GSG1L2: variants seen among roughly 807,000 people sequenced by gnomAD.
The protein encoded by GSG1L2 is GSG1 like 2.
Under a neutral mutation model 9.0 loss-of-function variants are expected in GSG1L2, and 15 were observed. The ratio of observed to expected loss-of-function variants is 1.67; its 90% CI spans 1.12 to 2.57. The LOEUF (loss-of-function observed/expected upper bound fraction) is 2.57, where lower values mean the gene tolerates loss of function less well. Among genes scored for constraint, GSG1L2 ranks in the 30% most tolerant of loss-of-function variants. The pLI is 0.00. For missense variants in GSG1L2, 286 were observed against 150.3 expected (o/e 1.90, Z -4.72); for synonymous variants, 127 against 57.9 (o/e 2.19, Z -5.41).
chr17:9,804,868 A>G (rs1210778053), intron 4 of GSG1L2: 1 of 152,240 alleles, frequency 6.6e-6, no homozygotes, highest in Non-Finnish European at 1.5e-5. Context: ...ACAAAAGAAA[A>G]CAGCAACAAA....
chr17:9,803,432 G>T (rs541438192), intron 4 of GSG1L2, among the ~76,000 whole-genome samples: 3 of 152,248 alleles, frequency 2.0e-5, no homozygotes, highest in Non-Finnish European at 4.4e-5. Flanking sequence ...CCCCATCCAG[G>T]CTGTAAGCCT....
chr17:9,806,663 G>A (rs2066517264), intron 4 of GSG1L2, among the ~76,000 whole-genome samples: 1 of 152,318 alleles, frequency 6.6e-6, no homozygotes, highest in Middle Eastern at 3.4e-3. Flanking sequence ...TCTGAGCCCT[G>A]CTGCAACTAC....
intron 1 of GSG1L2, among the ~76,000 whole-genome samples, chr17:9,819,436 G>T (rs912482446): frequency 2.6e-5 from 4 of 152,286 alleles, no homozygotes; most frequent in African/African-American, 9.6e-5. Flanking sequence ...TGAAGCCATG[G>T]CTATGTAACC....
At position 9,820,493 on chromosome 17, in the gene GSG1L2, T is replaced by C. The variant is rs905514992; in HGVS notation, c.310+1269A>G. Among the ~76,000 whole-genome samples, 7 of 151,702 alleles carry C rather than the reference T, an allele frequency of 4.6e-5. No homozygotes were observed. The highest frequency in any genetic ancestry group is 8.8e-5 in the Non-Finnish European group (6 of 67,984). ...AGCGAGGAACTGTGGAGGTCCTAAA[T>C]AGCCTTAGCTCCAGGCACTATTGCA... is the stretch of plus-strand genomic sequence containing the variant. On this transcript the variant is annotated intron_variant, in intron 1 of 4. Coordinates refer to ENST00000399363, the MANE Select transcript of GSG1L2 (RefSeq NM_001310219.2). The surrounding 1 kb of genome is among the most constrained non-coding windows in gnomAD (Gnocchi z 4.9).
At chr17:9,806,045 T>A (rs1238541785) in intron 4 of GSG1L2, among the ~76,000 whole-genome samples, 1 of 152,218 alleles carries the variant, frequency 6.6e-6, no homozygotes, top group Non-Finnish European at 1.5e-5. Flanking sequence ...GGCCTTTTGA[T>A]GTCAGAAAGC....
intron 1 of GSG1L2, among the ~76,000 whole-genome samples, chr17:9,821,135 T>C (rs1473732849): frequency 6.6e-6 from 1 of 152,222 alleles, no homozygotes; most frequent in Non-Finnish European, 1.5e-5. Context: ...GGAGGATTCC[T>C]CCTTTTTCTG....
intron 3 of GSG1L2, among the ~76,000 whole-genome samples, chr17:9,808,323 T>C (rs1163013493): frequency 5.3e-5 from 8 of 152,224 alleles, no homozygotes; most frequent in Admixed American, 3.3e-4. Flanking sequence ...TCTTTATTTT[T>C]ATGGAATATT....
At chr17:9,809,249 G>T in intron 2 of GSG1L2, 1 of 449,678 alleles carries the variant, frequency 2.2e-6, no homozygotes, top group South Asian at 2.1e-5. Context: ...GTGAGGATAT[G>T]AGTGGTGCTG....
At chr17:9,809,324 C>T in intron 2 of GSG1L2, 1 of 346,826 alleles carries the variant, frequency 2.9e-6, no homozygotes, top group Non-Finnish European at 5.5e-6. Flanking sequence ...CCGGTGGGTT[C>T]ATGGTCTGGC....
intron 1 of GSG1L2, among the ~76,000 whole-genome samples, chr17:9,811,861 G>A (rs949364756): frequency 8.5e-5 from 13 of 152,174 alleles, no homozygotes; most frequent in African/African-American, 2.2e-4. Context: ...TGCCGGGGGT[G>A]CAAAGATGCC....
chr17:9,819,860 G>A (rs549874770), intron 1 of GSG1L2, among the ~76,000 whole-genome samples: 4 of 151,982 alleles, frequency 2.6e-5, no homozygotes, highest in South Asian at 2.1e-4. Context: ...TGATCTGCCC[G>A]CCTCAGCCTT....
chr17:9,806,550 C>T (rs923540566), intron 4 of GSG1L2, among the ~76,000 whole-genome samples: 1 of 152,180 alleles, frequency 6.6e-6, no homozygotes, highest in African/African-American at 2.4e-5. Context: ...TGGAAACAAA[C>T]AGACCATTCT....
At chr17:9,818,930 T>G (rs912495262) in intron 1 of GSG1L2, among the ~76,000 whole-genome samples, 4 of 152,200 alleles carry the variant, frequency 2.6e-5, no homozygotes, top group Admixed American at 2.0e-4. Context: ...CTCTCAGCAC[T>G]GGGGCTTACT....
At chr17:9,814,570 T>C (rs1180625274) in intron 1 of GSG1L2, among the ~76,000 whole-genome samples, 1 of 152,206 alleles carries the variant, frequency 6.6e-6, no homozygotes, top group Non-Finnish European at 1.5e-5. Flanking sequence ...TGAGTTCAGC[T>C]TGGGCCCAGA....
At chr17:9,821,633 C>T (rs2066590004) in intron 1 of GSG1L2, 129 bp downstream of exon 1, 1 of 634,594 alleles carries the variant, frequency 1.6e-6, no homozygotes, top group Non-Finnish European at 2.9e-6. Context: ...CAGCCTGGCT[C>T]CAGAGCCCCT....
At position 9,802,419 on chromosome 17, in the gene GSG1L2, T is replaced by A. The variant is rs773444536; in HGVS notation, c.849A>T (p.Pro283=). The A allele has an allele frequency of 2.3e-5, 16 of 688,524 alleles. No individual in the cohort carries two copies. The highest frequency in any genetic ancestry group is 2.7e-6 in the Non-Finnish European group (1 of 376,062). The allele number at this position is 688,524 out of a possible 1,614,324, so 42.7% of individuals were successfully genotyped here. A position where few individuals can be genotyped will look rare whatever the true frequency, so the allele number is the denominator to read the frequency against. Residue 283 remains proline, a synonymous_variant, in exon 5 of 5, where the codon CCA becomes CCT. Transcript: ENST00000399363. ...QAFRNVSGHL[P]PGAPGKVSIC is the part of the protein sequence containing the mutation. The stretch of plus-strand genomic sequence containing the variant: ...TGGACACCTTGCCTGGGGCGCCTGG[T>A]GGGAGGTGTCCAGAAACATTCCTGA...
At chr17:9,815,790 G>A (rs1359496182) in intron 1 of GSG1L2, among the ~76,000 whole-genome samples, 1 of 152,200 alleles carries the variant, frequency 6.6e-6, no homozygotes, top group African/African-American at 2.4e-5. Flanking sequence ...GTCAGACAGA[G>A]GTTGCTATGG....
In GSG1L2 at chr17:9,820,233, G is replaced by T. The variant is rs537826563; in HGVS notation, c.310+1529C>A. Reference sequence around the variant, plus strand: ...CCTTGGGTGATACATTTGATAACTGGTGTGACGCCTATATAGAGCTGTGGA... The same window carrying T: ...CCTTGGGTGATACATTTGATAACTGTTGTGACGCCTATATAGAGCTGTGGA... On this transcript the variant is annotated intron_variant, in intron 1 of 4. Coordinates refer to ENST00000399363, the MANE Select transcript of GSG1L2 (RefSeq NM_001310219.2). This position sits in a 1 kb window ranked among gnomAD's most constrained non-coding sequence, Gnocchi z 4.9. Among the ~76,000 whole-genome samples, 11 of 152,312 alleles carry T rather than the reference G, an allele frequency of 7.2e-5. No homozygotes were observed. The highest frequency in any genetic ancestry group is 1.7e-4 in the African/African-American group (7 of 41,570).
intron 4 of GSG1L2, among the ~76,000 whole-genome samples, chr17:9,806,666 G>C (rs1188438637): frequency 1.3e-5 from 2 of 152,230 alleles, no homozygotes; most frequent in Admixed American, 1.3e-4. Flanking sequence ...GAGCCCTGCT[G>C]CAACTACACT....
Sources: gnomAD v4.1 joint callset for allele counts (sites outside exome capture counted in the v4.1 genomes callset) on GRCh38, gnomAD v4.1.1 for gene constraint, Gnocchi (gnomAD v3.1) non-coding constraint, MANE v1.5 for transcripts, NCBI Gene and HGNC (gene_info 2026-07-23, HGNC 2026-07-21) for gene names.